LATS1: variants seen among roughly 807,000 people sequenced by gnomAD.
The protein encoded by LATS1 is serine/threonine-protein kinase LATS1.
A neutral mutation model predicts 106.6 loss-of-function variants in LATS1; 25 were observed. That is an observed-to-expected ratio of 0.23 (90% CI 0.17 to 0.33). The LOEUF (loss-of-function observed/expected upper bound fraction) is 0.33. Among genes scored for constraint, LATS1 ranks in the 10% least tolerant of loss-of-function variants. LATS1 has a pLI of 1.00. For missense variants in LATS1, 1,040 were observed against 1,382.6 expected, an observed-to-expected ratio of 0.75 and a Z score of 3.93; for synonymous variants, 465 against 455.6, an observed-to-expected ratio of 1.02 and a Z score of -0.26.
In LATS1 at chr6:149,660,858, T is replaced by C. The variant is rs535895079; in HGVS notation, c.*871A>G. On this transcript the variant is annotated 3_prime_UTR_variant, in exon 8 of 8. Transcript: ENST00000543571. ...GAAACAGGTAACATTGATGATATAA[T>C]CAAAATAGTTACTATACAGGAAAAG... The C allele has an allele frequency of 1.1e-4, 24 of 211,434 alleles. No homozygotes were observed. Among genetic ancestry groups the C allele is most frequent in the African/African-American group, 3.6e-4 (16 of 44,256 alleles). The allele number at this position is 211,434 out of a possible 1,614,324, so 13.1% of individuals were successfully genotyped here.
Position 149,717,991 on chromosome 6 carries a change from G to T in LATS1, c.-283C>A. ...AACGGGGGGGCTGCCGCGGGCCAGCGCGGCCCGTCCCAGGGGTCGTGAGGA... is the reference window on the plus strand; with the variant it reads ...AACGGGGGGGCTGCCGCGGGCCAGCTCGGCCCGTCCCAGGGGTCGTGAGGA... On this transcript the variant is annotated 5_prime_UTR_variant, in exon 1 of 8. Transcript: ENST00000543571. The T allele has an allele frequency of 2.7e-6, 1 of 364,988 alleles. No individual in the cohort carries two copies. The highest frequency in any genetic ancestry group is 1.8e-5 in the South Asian group (1 of 54,400). The allele number at this position is 364,988 out of a possible 1,614,324, so 22.6% of individuals were successfully genotyped here. A position where few individuals can be genotyped will look rare whatever the true frequency, so the allele number is the denominator to read the frequency against.
rs1780806391 is a variant in LATS1 at position 149,659,320 on chromosome 6, T to G, written c.*2409A>C. On this transcript the variant is annotated 3_prime_UTR_variant, in exon 8 of 8. Transcript: ENST00000543571. The stretch of plus-strand genomic sequence containing the variant: ...CCATCTCTACTAAAGATACAAAAAT[T>G]AGCTGGGCTTGGTGGCGCATGCCCA... 5.3e-6 allele frequency: 1 copy of G among 190,270 alleles called. No homozygotes were observed. Among genetic ancestry groups the G allele is most frequent in the African/African-American group, 2.3e-5 (1 of 42,876 alleles). 11.8% of individuals were successfully genotyped at this position (190,270 alleles called of 1,614,324 possible). A position where few individuals can be genotyped will look rare whatever the true frequency, so the allele number is the denominator to read the frequency against.
chr6:149,687,896 C>T (rs1392155891), intron 3 of LATS1, among the ~76,000 whole-genome samples: 4 of 120,488 alleles, frequency 3.3e-5, no homozygotes, highest in Admixed American at 9.7e-5. Flanking sequence ...TTTTTTGAGG[C>T]GGAGTCTCGC....
In LATS1 at chr6:149,684,343, G is replaced by T; in HGVS notation, c.746C>A (p.Pro249Gln). ...PPQVRSVTPP[P>Q]PPRGQTPPPR... ...AGGGGGAGTCTGGCCTCTTGGAGGT[G>T]GTGGAGGAGTAACACTCCTTACTTG... The change falls in exon 4 of 8, where the codon CCA becomes CAA. Residue 249 changes from proline (P) to glutamine (Q), a missense_variant. Pro to Gln is a moderately conservative substitution (Grantham distance 76, BLOSUM62 -1). Coordinates refer to ENST00000543571, the MANE Select transcript of LATS1 (RefSeq NM_004690.4). 6.2e-7 allele frequency: 1 copy of T among 1,614,118 alleles called. No individual in the cohort carries two copies. The highest frequency in any genetic ancestry group is 8.5e-7 in the Non-Finnish European group (1 of 1,179,998).
In LATS1 at chr6:149,718,015, G is replaced by C; in HGVS notation, c.-307C>G. 1 of 357,950 alleles carries C rather than the reference G, an allele frequency of 2.8e-6. No homozygotes were observed. Among genetic ancestry groups the C allele is most frequent in the Non-Finnish European group, 5.3e-6 (1 of 187,024 alleles). 22.2% of individuals were successfully genotyped at this position (357,950 alleles called of 1,614,324 possible). ...CGCGGCCCGTCCCAGGGGTCGTGAG[G>C]ACCTGGCTCTCCCCTTAACACCAGG... On this transcript the variant is annotated 5_prime_UTR_variant, in exon 1 of 8. Transcript: ENST00000543571.
chr6:149,703,789 G>A (rs189554258), intron 1 of LATS1, among the ~76,000 whole-genome samples: 57 of 152,042 alleles, frequency 3.7e-4, no homozygotes, highest in African/African-American at 1.4e-3. Context: ...GACATAAAGT[G>A]GTTATCAACA....
Position 149,676,628 on chromosome 6 carries a change from C to G in LATS1, c.2703G>C (p.Gln901His). The G allele has an allele frequency of 6.2e-7, 1 of 1,614,074 alleles. No individual in the cohort carries two copies. Among genetic ancestry groups the G allele is most frequent in the Non-Finnish European group, 8.5e-7 (1 of 1,180,014 alleles). The change falls in exon 6 of 8, where the codon CAG becomes CAC. Residue 901 changes from glutamine to histidine, a missense_variant. By Grantham distance (24) the Gln-to-His change is conservative (BLOSUM62 0). Coordinates refer to ENST00000543571, the MANE Select transcript of LATS1 (RefSeq NM_004690.4). The stretch of plus-strand genomic sequence containing the variant: ...AAGAATGTGCTAGACATCGCTGGTG[C>G]TGGCGTGCAGCTCTCCGCTCTAATG... Reference protein sequence around the residue: ...LKPLERRAARQHQRCLAHSLV... With the variant: ...LKPLERRAARHHQRCLAHSLV...
intron 3 of LATS1, among the ~76,000 whole-genome samples, chr6:149,691,274 A>G (rs1303823156): frequency 6.6e-6 from 1 of 152,148 alleles, no homozygotes; most frequent in African/African-American, 2.4e-5. Flanking sequence ...CAGAGGGACA[A>G]ACATATGAGG....
intron 3 of LATS1, among the ~76,000 whole-genome samples, chr6:149,686,229 G>A (rs1782367622): frequency 6.6e-6 from 1 of 152,098 alleles, no homozygotes; most frequent in African/African-American, 2.4e-5. Flanking sequence ...CAGCATTTTG[G>A]GTCTACATTC....
intron 1 of LATS1, 124 bp downstream of exon 1, chr6:149,717,725 G>C (rs376866315): frequency 4.6e-6 from 1 of 219,198 alleles, no homozygotes; most frequent in Non-Finnish European, 9.5e-6. Flanking sequence ...GAGCGGGCCG[G>C]CTCTGCCCGC....
At chr6:149,692,786 T>A (rs1229971220) in intron 3 of LATS1, among the ~76,000 whole-genome samples, 1 of 151,944 alleles carries the variant, frequency 6.6e-6, no homozygotes, top group Admixed American at 6.6e-5. Context: ...ACAATTCTCC[T>A]GCCTGAGCCT....
chr6:149,681,617 A>G (rs951677827), intron 4 of LATS1, among the ~76,000 whole-genome samples: 4 of 152,252 alleles, frequency 2.6e-5, no homozygotes, highest in African/African-American at 9.6e-5. Flanking sequence ...TAAAATATGG[A>G]TAAGTCATAG....
At position 149,676,189 on chromosome 6, in the gene LATS1, G is replaced by A. The variant is rs536228494; in HGVS notation, c.2883+71C>T. ...TTAACTCCAGACTAAAATGCTCTACGTACTAATAAATAAAAGTCAATGATG... is the reference window on the plus strand; with the variant it reads ...TTAACTCCAGACTAAAATGCTCTACATACTAATAAATAAAAGTCAATGATG... On this transcript the variant is annotated intron_variant, in intron 7 of 7. Transcript: ENST00000543571. 3.9e-4 allele frequency: 402 copies of A among 1,034,500 alleles called. 3 individuals carry two copies. In the South Asian group the frequency reaches 4.4e-3, roughly 11 times the overall value. The allele number at this position is 1,034,500 out of a possible 1,614,324, so 64.1% of individuals were successfully genotyped here.
chr6:149,677,376 C>G (rs1461306796), intron 5 of LATS1, among the ~76,000 whole-genome samples: 2 of 152,184 alleles, frequency 1.3e-5, no homozygotes, highest in Non-Finnish European at 2.9e-5. Flanking sequence ...ACCAGCACAG[C>G]TGATAAAGGG....
At chr6:149,666,797 C>T (rs1295929772) in intron 7 of LATS1, among the ~76,000 whole-genome samples, 4 of 151,704 alleles carry the variant, frequency 2.6e-5, no homozygotes, top group Non-Finnish European at 5.9e-5. Flanking sequence ...AAAAAATTAG[C>T]CGGGCGTGGT....
chr6:149,666,862 T>G (rs1190291606), intron 7 of LATS1, among the ~76,000 whole-genome samples: 1 of 146,416 alleles, frequency 6.8e-6, no homozygotes, highest in African/African-American at 2.5e-5. Flanking sequence ...GAGAATGGTG[T>G]AAACTCAGGA....
chr6:149,694,975 G>A, intron 3 of LATS1, 99 bp downstream of exon 3: 1 of 1,002,128 alleles, frequency 1.0e-6, no homozygotes, highest in Non-Finnish European at 1.4e-6. Flanking sequence ...TTACTGGGAT[G>A]CTTTTACAAT....
At chr6:149,681,811 A>C (rs1027149936) in intron 4 of LATS1, among the ~76,000 whole-genome samples, 2 of 152,182 alleles carry the variant, frequency 1.3e-5, no homozygotes, top group African/African-American at 2.4e-5. Context: ...TTGAACTCTA[A>C]GCATATGATA....
intron 3 of LATS1, among the ~76,000 whole-genome samples, chr6:149,693,744 G>T (rs541586472): frequency 4.0e-4 from 61 of 152,010 alleles, no homozygotes; most frequent in Middle Eastern, 3.4e-3. Context: ...TAATAATACC[G>T]AGGCTTTACA....
Sources: gnomAD v4.1 joint callset for allele counts (sites outside exome capture counted in the v4.1 genomes callset) on GRCh38, gnomAD v4.1.1 for gene constraint, MANE v1.5 for transcripts, NCBI Gene and HGNC (gene_info 2026-07-23, HGNC 2026-07-21) for gene names.